Variants in CACNA1E observed in about 807,000 individuals in gnomAD.
The protein encoded by CACNA1E is calcium voltage-gated channel subunit alpha1 E.
A neutral mutation model predicts 259.2 loss-of-function variants in CACNA1E; 40 were observed. The ratio of observed to expected loss-of-function variants is 0.15; its 90% CI spans 0.12 to 0.20. CACNA1E has a LOEUF of 0.20. Among genes scored for constraint, CACNA1E ranks in the 10% least tolerant of loss-of-function variants. The probability of loss-of-function intolerance (pLI) is 1.00; values close to 1 mark genes in which losing one functional copy is unlikely to be tolerated. For missense variants in CACNA1E, 1,874 were observed against 3,040.1 expected, an observed-to-expected ratio of 0.62 and a Z score of 9.02; for synonymous variants, 1,104 against 1,138.5, an observed-to-expected ratio of 0.97 and a Z score of 0.61.
At chr1:181,795,086 G>A in intron 46 of CACNA1E, 42 bp downstream of exon 46, 1 of 1,543,216 alleles carries the variant, frequency 6.5e-7, no homozygotes, top group Non-Finnish European at 8.9e-7. Flanking sequence ...TCAGGCAGTG[G>A]GCTCCTGCCC....
At chr1:181,670,638 C>T (rs1648695825) in intron 7 of CACNA1E, among the ~76,000 whole-genome samples, 2 of 152,120 alleles carry the variant, frequency 1.3e-5, no homozygotes, top group Non-Finnish European at 2.9e-5. Flanking sequence ...GATAGCTAAT[C>T]TTTTTAGCAG....
At chr1:181,337,316 T>C (rs1021182225) in intron 1 of CACNA1E, among the ~76,000 whole-genome samples, 32 of 138,802 alleles carry the variant, frequency 2.3e-4, no homozygotes, top group Middle Eastern at 3.6e-3. Context: ...CCACCACGCC[T>C]GGCTAATTTT....
At chr1:181,673,337 C>T (rs1228901659) in intron 7 of CACNA1E, among the ~76,000 whole-genome samples, 2 of 152,076 alleles carry the variant, frequency 1.3e-5, no homozygotes, top group East Asian at 1.9e-4. Flanking sequence ...GGAGAAATTC[C>T]GTAGGTGGAG....
At chr1:181,660,727 T>A (rs1384032387) in intron 7 of CACNA1E, among the ~76,000 whole-genome samples, 7 of 152,110 alleles carry the variant, frequency 4.6e-5, no homozygotes, top group African/African-American at 1.7e-4. Context: ...CCAGATGAGA[T>A]CTCTGAGGGG....
intron 2 of CACNA1E, among the ~76,000 whole-genome samples, chr1:181,465,139 TTGA>T (rs1319961799): frequency 6.6e-6 from 1 of 152,152 alleles, no homozygotes; most frequent in African/African-American, 2.4e-5. Context: ...TTTTCAACAC[TTGA>T]TGATATTATT....
chr1:181,343,729 G>T (rs1196965368), intron 1 of CACNA1E, among the ~76,000 whole-genome samples: 2 of 152,188 alleles, frequency 1.3e-5, no homozygotes, highest in Non-Finnish European at 2.9e-5. Flanking sequence ...CTCTAGCCTG[G>T]CCCCTTGCAT....
chr1:181,784,082 T>C (rs1361410093), intron 40 of CACNA1E, among the ~76,000 whole-genome samples: 1 of 152,180 alleles, frequency 6.6e-6, no homozygotes, highest in Non-Finnish European at 1.5e-5. Context: ...TGTCCTTTTT[T>C]TCTGTATATG....
intron 1 of CACNA1E, among the ~76,000 whole-genome samples, chr1:181,333,136 G>A (rs975755303): frequency 7.2e-5 from 11 of 152,114 alleles, no homozygotes; most frequent in Admixed American, 1.3e-4. Flanking sequence ...GGGCCCAGAC[G>A]CCACTGAGCA....
intron 6 of CACNA1E, among the ~76,000 whole-genome samples, chr1:181,584,275 G>A (rs1558152644): frequency 6.6e-6 from 1 of 152,148 alleles, no homozygotes; most frequent in African/African-American, 2.4e-5. Flanking sequence ...CTTACTTACT[G>A]TTGATAAACT....
At chr1:181,653,657 A>C (rs1274315206) in intron 7 of CACNA1E, among the ~76,000 whole-genome samples, 1 of 152,182 alleles carries the variant, frequency 6.6e-6, no homozygotes, top group East Asian at 1.9e-4. Flanking sequence ...ACGTCACTGT[A>C]ATCTCTGCCT....
At chr1:181,769,351 GAAA>G (rs10707692) in intron 35 of CACNA1E, among the ~76,000 whole-genome samples, 3 of 134,680 alleles carry the variant, frequency 2.2e-5, no homozygotes, top group African/African-American at 8.6e-5. Context: ...GTGAAAAGTT[GAAA>G]AAAAAAAAAA....
rs998114597 is a variant in CACNA1E, at chr1:181,749,182, C to T, written c.3720-1294C>T. On this transcript the variant is annotated intron_variant, in intron 25 of 47. Transcript: ENST00000367573. ...AGTAGTGGAACATAGGTTTGCCATA[C>T]GTTGGCAAAAAATAAGAAAGGAAAG... is the stretch of plus-strand genomic sequence containing the variant. 3.9e-5 allele frequency among the ~76,000 whole-genome samples: 6 copies of T among 152,048 alleles called. 1 individual carries two copies. Among genetic ancestry groups the T allele is most frequent in the South Asian group, 4.1e-4 (2 of 4,824 alleles).
At chr1:181,748,645 T>G (rs1014701113) in intron 25 of CACNA1E, among the ~76,000 whole-genome samples, 1 of 152,226 alleles carries the variant, frequency 6.6e-6, no homozygotes, top group African/African-American at 2.4e-5. Flanking sequence ...AGATTATCCC[T>G]TAGTTCTTCC....
intron 7 of CACNA1E, among the ~76,000 whole-genome samples, chr1:181,671,685 G>A (rs181900845): frequency 6.8e-4 from 103 of 152,304 alleles, no homozygotes; most frequent in African/African-American, 2.4e-3. Context: ...CTAGTGGCCA[G>A]TGTCAGTTAC....
In CACNA1E at chr1:181,802,172, C is replaced by A. The variant is rs1053832853; in HGVS notation, c.*3338C>A. The A allele has an allele frequency of 6.6e-6, 1 of 152,238 alleles. No homozygotes were observed. The highest frequency in any genetic ancestry group is 1.5e-5 in the Non-Finnish European group (1 of 68,054). The allele number at this position is 152,238 out of a possible 1,614,324, so 9.4% of individuals were successfully genotyped here. A position where few individuals can be genotyped will look rare whatever the true frequency, so the allele number is the denominator to read the frequency against. ...AAGGGCTGGCACCAGCTAGCATCCC[C>A]TTGGCTCCACATGAGTCATGAACAC... On this transcript the variant is annotated 3_prime_UTR_variant, in exon 48 of 48. Transcript: ENST00000367573.
At chr1:181,434,995 C>T (rs1054481133) in intron 2 of CACNA1E, among the ~76,000 whole-genome samples, 3 of 152,120 alleles carry the variant, frequency 2.0e-5, no homozygotes, top group African/African-American at 7.2e-5. Context: ...AGATTCTCCT[C>T]GATTTATCAG....
intron 1 of CACNA1E, among the ~76,000 whole-genome samples, chr1:181,495,612 C>G (rs1183514819): frequency 6.6e-6 from 1 of 152,178 alleles, no homozygotes; most frequent in South Asian, 2.1e-4. Context: ...CCTCCTGGCT[C>G]TTACCAAGTT....
chr1:181,491,464 A>G (rs1664309772), intron 1 of CACNA1E, among the ~76,000 whole-genome samples: 1 of 152,232 alleles, frequency 6.6e-6, no homozygotes, highest in Admixed American at 6.5e-5. Context: ...GGTCTTGGAC[A>G]TCATGCTTTG....
chr1:181,685,230 GT>G (rs139598690), intron 7 of CACNA1E, among the ~76,000 whole-genome samples: 7,093 of 103,298 alleles, frequency 0.069, 302 homozygotes, highest in African/African-American at 0.19. Context: ...CCACCTTTAA[GT>G]TTTTTTTTTT....
Sources: allele counts gnomAD v4.1 joint callset (sites outside exome capture counted in the v4.1 genomes callset), GRCh38; gene constraint gnomAD v4.1.1; transcripts MANE v1.5; gene names NCBI Gene and HGNC (gene_info 2026-07-23, HGNC 2026-07-21).